The following PAMR1 variants were observed in gnomAD, a reference collection of about 807,000 sequenced individuals.
PAMR1 encodes inactive serine protease PAMR1.
A neutral mutation model predicts 81.8 loss-of-function variants in PAMR1; 88 were observed. That is an observed-to-expected ratio of 1.08 (90% CI 0.91 to 1.28). The LOEUF (loss-of-function observed/expected upper bound fraction) is 1.28. PAMR1 is among the 50% of genes most tolerant of loss of function. The probability of loss-of-function intolerance (pLI) is 0.00; values close to 1 mark genes in which losing one functional copy is unlikely to be tolerated. For missense variants in PAMR1, 935 were observed against 919.7 expected, an observed-to-expected ratio of 1.02 and a Z score of -0.21; for synonymous variants, 336 against 345.3, an observed-to-expected ratio of 0.97 and a Z score of 0.30.
At chr11:35,521,654 CAGG>C (rs1851281138) in intron 1 of PAMR1, among the ~76,000 whole-genome samples, 1 of 152,178 alleles carries the variant, frequency 6.6e-6, no homozygotes. Context: ...GCCAGTAAAA[CAGG>C]AGCTAGCAAG....
At chr11:35,494,478 C>G (rs1221964390) in intron 1 of PAMR1, among the ~76,000 whole-genome samples, 1 of 152,168 alleles carries the variant, frequency 6.6e-6, no homozygotes, top group Non-Finnish European at 1.5e-5. Flanking sequence ...GGACTACAGG[C>G]GCCCACCACT....
chr11:35,480,383 C>T (rs1467841840), intron 3 of PAMR1, among the ~76,000 whole-genome samples: 2 of 152,214 alleles, frequency 1.3e-5, no homozygotes, highest in African/African-American at 2.4e-5. Flanking sequence ...CCTGCTAATA[C>T]AACTCAATGG....
At chr11:35,502,570 T>C (rs964650910) in intron 1 of PAMR1, among the ~76,000 whole-genome samples, 2 of 152,194 alleles carry the variant, frequency 1.3e-5, no homozygotes, top group African/African-American at 4.8e-5. Flanking sequence ...TTCATCCATG[T>C]CCCTGCAAAG....
intron 6 of PAMR1, among the ~76,000 whole-genome samples, chr11:35,449,349 A>G (rs1024192081): frequency 6.6e-6 from 1 of 152,196 alleles, no homozygotes; most frequent in Non-Finnish European, 1.5e-5. Context: ...ACAGGAGATC[A>G]TGACCGCCTC....
chr11:35,469,377 A>G (rs892829551), intron 5 of PAMR1, among the ~76,000 whole-genome samples: 16 of 152,216 alleles, frequency 1.1e-4, no homozygotes, highest in African/African-American at 3.6e-4. Flanking sequence ...CCTCAGTCCC[A>G]GATTCACAGA....
intron 8 of PAMR1, among the ~76,000 whole-genome samples, chr11:35,438,739 GACAACA>G (rs1856102778): frequency 6.6e-6 from 1 of 152,212 alleles, no homozygotes; most frequent in South Asian, 2.1e-4. Flanking sequence ...AAATATGTAA[GACAACA>G]GGTGGAGAGA....
At chr11:35,459,927 T>A (rs1298332560) in intron 6 of PAMR1, among the ~76,000 whole-genome samples, 1 of 152,218 alleles carries the variant, frequency 6.6e-6, no homozygotes, top group African/African-American at 2.4e-5. Context: ...ATCTGTAAAG[T>A]GCAGGTAATC....
intron 1 of PAMR1, among the ~76,000 whole-genome samples, chr11:35,511,293 G>A (rs367651494): frequency 2.2e-4 from 34 of 152,220 alleles, no homozygotes; most frequent in African/African-American, 8.2e-4. Context: ...AAGGACAGGA[G>A]CAGCAAATGT....
At chr11:35,498,570 C>T (rs537221675) in intron 1 of PAMR1, among the ~76,000 whole-genome samples, 3 of 152,294 alleles carry the variant, frequency 2.0e-5, no homozygotes, top group South Asian at 2.1e-4. Flanking sequence ...TGGTTTTTTA[C>T]GTATGTCAGA....
At chr11:35,486,191 T>C (rs116828394) in intron 3 of PAMR1, among the ~76,000 whole-genome samples, 1,816 of 152,312 alleles carry the variant, frequency 0.012, 26 homozygotes, top group African/African-American at 0.041. Context: ...CAGTGCTCCA[T>C]AAGAAATGCT....
intron 6 of PAMR1, among the ~76,000 whole-genome samples, chr11:35,465,350 C>G (rs1228972123): frequency 6.6e-6 from 1 of 152,116 alleles, no homozygotes; most frequent in Admixed American, 6.6e-5. Flanking sequence ...AATTTGGGCA[C>G]TTCAGAGTTT....
intron 3 of PAMR1, among the ~76,000 whole-genome samples, chr11:35,488,375 T>A (rs368284153): frequency 2.0e-5 from 3 of 151,872 alleles, no homozygotes; most frequent in African/African-American, 7.3e-5. Flanking sequence ...TGCACCACCA[T>A]GCCTGGCTGA....
upstream of PAMR1, chr11:35,525,873 G>A (rs1202953941): frequency 2.0e-6 from 1 of 503,842 alleles, no homozygotes; most frequent in Admixed American, 3.2e-5. Flanking sequence ...TGCGGGGGAG[G>A]GAGGCCAGCC....
intron 1 of PAMR1, among the ~76,000 whole-genome samples, chr11:35,511,764 T>G (rs1430599631): frequency 1.3e-5 from 2 of 152,212 alleles, no homozygotes; most frequent in Non-Finnish European, 2.9e-5. Flanking sequence ...TTGTGCTGTC[T>G]GAATCTCTGG....
At chr11:35,450,004 G>A (rs1350598985) in intron 6 of PAMR1, among the ~76,000 whole-genome samples, 2 of 151,836 alleles carry the variant, frequency 1.3e-5, no homozygotes, top group Non-Finnish European at 1.5e-5. Context: ...TTTTCTCAGT[G>A]GGAGCCACAG....
intron 3 of PAMR1, among the ~76,000 whole-genome samples, chr11:35,478,854 G>C (rs934001764): frequency 5.3e-5 from 8 of 152,142 alleles, no homozygotes; most frequent in Non-Finnish European, 1.2e-4. Flanking sequence ...GTGTGTGTGT[G>C]TGTCTGTGTG....
intron 1 of PAMR1, among the ~76,000 whole-genome samples, chr11:35,497,732 A>G (rs636328): frequency 0.86 from 130,564 of 152,180 alleles, 56,364 homozygotes; most frequent in African/African-American, 0.94. Context: ...TTCAATAAAT[A>G]GTGATTGATC....
chr11:35,457,121 A>G (rs1227084411), intron 6 of PAMR1, among the ~76,000 whole-genome samples: 1 of 152,194 alleles, frequency 6.6e-6, no homozygotes, highest in African/African-American at 2.4e-5. Flanking sequence ...ATATCTTGTT[A>G]AGCATTATAT....
intron 1 of PAMR1, among the ~76,000 whole-genome samples, chr11:35,507,258 G>C (rs994340900): frequency 8.6e-5 from 13 of 151,770 alleles, no homozygotes; most frequent in Non-Finnish European, 8.8e-5. Context: ...TGTGGGTCAG[G>C]CTGGTCTTGA....
Sources: gnomAD v4.1 joint callset for allele counts (sites outside exome capture counted in the v4.1 genomes callset) on GRCh38, gnomAD v4.1.1 for gene constraint, MANE v1.5 for transcripts, NCBI Gene and HGNC (gene_info 2026-07-23, HGNC 2026-07-21) for gene names.